The following SYT1 variants were observed in gnomAD, a reference collection of about 807,000 sequenced individuals.
SYT1 encodes synaptotagmin 1, also known as synaptotagmin-1.
Under a neutral mutation model 44.8 loss-of-function variants are expected in SYT1, and 8 were observed. The ratio of observed to expected loss-of-function variants is 0.18; its 90% confidence interval spans 0.10 to 0.32. The LOEUF is 0.32. Ranked by LOEUF, SYT1 falls within the 10% of genes least tolerant of loss-of-function variation. The probability of loss-of-function intolerance (pLI) is 1.00; values close to 1 mark genes in which losing one functional copy is unlikely to be tolerated. For synonymous variants in SYT1, 154 were observed against 188.8 expected (o/e 0.82, Z 1.51); for missense variants, 286 against 509.3 (o/e 0.56, Z 4.22).
At chr12:79,075,880 G>T (rs944723580) in intron 3 of SYT1, among the ~76,000 whole-genome samples, 3 of 152,130 alleles carry the variant, frequency 2.0e-5, no homozygotes, top group South Asian at 4.1e-4. Context: ...ATATATATTA[G>T]ATGATTATAA....
chr12:79,392,178 A>C (rs764648444), intron 9 of SYT1: 1 of 152,194 alleles, frequency 6.6e-6, no homozygotes, highest in Admixed American at 6.5e-5. Flanking sequence ...ATATGTTTGA[A>C]ATATCCTAAA....
intron 3 of SYT1, among the ~76,000 whole-genome samples, chr12:79,184,414 G>A (rs753533451): frequency 1.3e-4 from 20 of 151,938 alleles, no homozygotes. Flanking sequence ...GCTCAATTTG[G>A]TAATATGTTA....
chr12:79,360,935 A>G (rs998132798), intron 9 of SYT1, among the ~76,000 whole-genome samples: 9 of 152,214 alleles, frequency 5.9e-5, no homozygotes, highest in Non-Finnish European at 1.2e-4. Context: ...AATGGATAGA[A>G]ATGCTCTGCC....
chr12:79,375,535 G>A (rs1371638692), intron 9 of SYT1, among the ~76,000 whole-genome samples: 1 of 152,160 alleles, frequency 6.6e-6, no homozygotes, highest in East Asian at 1.9e-4. Flanking sequence ...CTCAGGCTGT[G>A]GAATCAAACT....
intron 3 of SYT1, among the ~76,000 whole-genome samples, chr12:79,189,156 A>G (rs1872967871): frequency 6.6e-6 from 1 of 152,158 alleles, no homozygotes; most frequent in Admixed American, 6.6e-5. Context: ...TCTGAATGTT[A>G]TTTGCCTCCT....
At chr12:79,152,874 T>C (rs1368577134) in intron 3 of SYT1, among the ~76,000 whole-genome samples, 1 of 128,166 alleles carries the variant, frequency 7.8e-6, no homozygotes, top group Non-Finnish European at 1.6e-5. Context: ...GCAAGAAAAA[T>C]GTAAAAAAAA....
chr12:79,099,318 A>T (rs1878316179), intron 3 of SYT1, among the ~76,000 whole-genome samples: 1 of 152,196 alleles, frequency 6.6e-6, no homozygotes, highest in Non-Finnish European at 1.5e-5. Context: ...AAGCTTTAGC[A>T]CAATAACGTT....
intron 4 of SYT1, among the ~76,000 whole-genome samples, chr12:79,237,959 T>C (rs1264576858): frequency 1.3e-5 from 2 of 152,126 alleles, no homozygotes; most frequent in Non-Finnish European, 2.9e-5. Context: ...TCAAAGGAAA[T>C]ACAACTTGTA....
intron 3 of SYT1, among the ~76,000 whole-genome samples, chr12:79,066,258 T>C (rs1387592613): frequency 4.6e-5 from 7 of 152,100 alleles, no homozygotes; most frequent in African/African-American, 1.7e-4. Flanking sequence ...AAACACCACA[T>C]AGGATAGTAG....
At chr12:78,922,993 C>T (rs766691823) in intron 1 of SYT1, among the ~76,000 whole-genome samples, 3 of 151,928 alleles carry the variant, frequency 2.0e-5, no homozygotes, top group Non-Finnish European at 4.4e-5. Context: ...GTACAGAGTA[C>T]CCTTTCCATG....
chr12:79,106,694 G>T, intron 3 of SYT1, among the ~76,000 whole-genome samples: 1 of 149,718 alleles, frequency 6.7e-6, no homozygotes. Flanking sequence ...CTAGAAAGTA[G>T]TTCTTACTTT....
chr12:78,907,401 A>T (rs1876051660), intron 1 of SYT1, among the ~76,000 whole-genome samples: 1 of 152,004 alleles, frequency 6.6e-6, no homozygotes, highest in Non-Finnish European at 1.5e-5. Context: ...AGAATATATT[A>T]CATAATACAT....
chr12:79,140,271 G>C (rs1022318271), intron 3 of SYT1, among the ~76,000 whole-genome samples: 2 of 152,152 alleles, frequency 1.3e-5, no homozygotes, highest in Non-Finnish European at 2.9e-5. Context: ...AGACTCTACA[G>C]GTTCTTCTGC....
chr12:79,344,685 G>A (rs973628258), intron 8 of SYT1, among the ~76,000 whole-genome samples: 3 of 151,966 alleles, frequency 2.0e-5, no homozygotes, highest in Admixed American at 1.3e-4. Context: ...TCAAACTCCT[G>A]GGCTCAAGCA....
intron 1 of SYT1, among the ~76,000 whole-genome samples, chr12:78,940,633 C>G (rs1483677740): frequency 1.3e-5 from 2 of 152,114 alleles, no homozygotes; most frequent in Non-Finnish European, 2.9e-5. Flanking sequence ...AAGCATCCTC[C>G]TGCCTCAGCC....
chr12:78,882,961 T>G (rs1457882966), intron 1 of SYT1, among the ~76,000 whole-genome samples: 2 of 151,598 alleles, frequency 1.3e-5, no homozygotes, highest in African/African-American at 2.4e-5. Context: ...TTTCAGAAAC[T>G]ACCTAAAAAA....
At chr12:79,249,482 C>T (rs1877067524) in intron 4 of SYT1, among the ~76,000 whole-genome samples, 1 of 152,126 alleles carries the variant, frequency 6.6e-6, no homozygotes, top group Non-Finnish European at 1.5e-5. Flanking sequence ...CCAGAGGAGA[C>T]AGACTCTAAA....
chr12:78,931,536 A>T (rs1877754259), intron 1 of SYT1, among the ~76,000 whole-genome samples: 1 of 152,220 alleles, frequency 6.6e-6, no homozygotes, highest in Non-Finnish European at 1.5e-5. Flanking sequence ...CATAGAATGC[A>T]GGACTTCAAT....
At chr12:78,929,430 A>C (rs1165136795) in intron 1 of SYT1, among the ~76,000 whole-genome samples, 9 of 140,918 alleles carry the variant, frequency 6.4e-5, no homozygotes, top group South Asian at 2.2e-4. Flanking sequence ...AAAAAAAAAA[A>C]AAAAAAAAAA....
Sources: gnomAD v4.1 joint callset for allele counts (sites outside exome capture counted in the v4.1 genomes callset) on GRCh38, gnomAD v4.1.1 for gene constraint, MANE v1.5 for transcripts, NCBI Gene and HGNC (gene_info 2026-07-23, HGNC 2026-07-21) for gene names.